The following RPS6KC1 variants were observed in gnomAD, a reference collection of about 807,000 sequenced individuals.
RPS6KC1 encodes the protein inactive ribosomal protein S6 kinase delta-1.
Under a neutral mutation model 103.8 loss-of-function variants are expected in RPS6KC1, and 54 were observed. The ratio of observed to expected loss-of-function variants is 0.52; its 90% confidence interval spans 0.42 to 0.65. RPS6KC1 has a LOEUF of 0.65. Ranked by LOEUF, RPS6KC1 falls within the 30% of genes least tolerant of loss-of-function variation. The pLI, the probability that RPS6KC1 is intolerant of heterozygous loss-of-function variation, is 0.00. For missense variants in RPS6KC1, 1,151 were observed against 1,253.8 expected (o/e 0.92, Z 1.24); for synonymous variants, 439 against 438.7 (o/e 1.00, Z -0.01).
chr1:213,535,802 T>C, the RPS6KC1 span, among the ~76,000 whole-genome samples: 1 of 152,162 alleles, frequency 6.6e-6, no homozygotes, highest in Non-Finnish European at 1.5e-5. Context: ...GGCTCTCTTT[T>C]AGGCGCGAGG....
chr1:213,418,538 G>A, the RPS6KC1 span, among the ~76,000 whole-genome samples: 3 of 152,188 alleles, frequency 2.0e-5, no homozygotes, highest in Admixed American at 6.5e-5. Flanking sequence ...TTGGAGCTTT[G>A]TTCATCAGTT....
Position 213,242,019 on chromosome 1 carries a change from A to G in RPS6KC1, c.2543A>G (p.Asp848Gly), listed in dbSNP as rs1338791314. The G allele has an allele frequency of 6.2e-7, 1 of 1,614,104 alleles. No individual in the cohort carries two copies. Among genetic ancestry groups the G allele is most frequent in the Non-Finnish European group, 8.5e-7 (1 of 1,179,960 alleles). The change falls in exon 11 of 15, where the codon GAT becomes GGT. Residue 848 changes from aspartate to glycine, a missense_variant. By Grantham distance (94) the Asp-to-Gly change is moderately conservative. Coordinates refer to ENST00000366960, the MANE Select transcript of RPS6KC1 (RefSeq NM_012424.6). ...ACAGAAGAAGTATTGCTGTTTACAG[A>G]TCAGACTGATGATTTGGCTAAAGAG... ...LKTEEVLLFT[D>G]QTDDLAKEEP... is the part of the protein sequence containing the mutation.
chr1:213,328,414 G>A, the RPS6KC1 span, among the ~76,000 whole-genome samples: 1 of 151,154 alleles, frequency 6.6e-6, no homozygotes, highest in Non-Finnish European at 1.5e-5. Context: ...GGGTAAGCGT[G>A]GGGCTGACTT....
the RPS6KC1 span, among the ~76,000 whole-genome samples, chr1:213,410,888 G>A: frequency 6.6e-6 from 1 of 152,106 alleles, no homozygotes; most frequent in Admixed American, 6.5e-5. Context: ...GCAGGGGATT[G>A]ACTTTTCAGA....
chr1:213,195,991 T>A (rs979199502), intron 8 of RPS6KC1, among the ~76,000 whole-genome samples: 2 of 152,190 alleles, frequency 1.3e-5, no homozygotes, highest in African/African-American at 4.8e-5. Context: ...TCTGGGTAGA[T>A]ACCCAGTACT....
the RPS6KC1 span, among the ~76,000 whole-genome samples, chr1:213,389,023 C>T: frequency 1.3e-5 from 2 of 151,964 alleles, no homozygotes; most frequent in Admixed American, 1.3e-4. Flanking sequence ...AGTGGGGTGA[C>T]AAGAAACTTG....
At chr1:213,319,035 G>A in the RPS6KC1 span, among the ~76,000 whole-genome samples, 1 of 152,212 alleles carries the variant, frequency 6.6e-6, no homozygotes, top group African/African-American at 2.4e-5. Context: ...GCTGGGTGCG[G>A]TGGCTCACGC....
At chr1:213,539,787 T>C in the RPS6KC1 span, among the ~76,000 whole-genome samples, 1 of 152,150 alleles carries the variant, frequency 6.6e-6, no homozygotes, top group East Asian at 1.9e-4. Flanking sequence ...TACAGGCATA[T>C]CTCAGAAATA....
the RPS6KC1 span, among the ~76,000 whole-genome samples, chr1:213,363,638 CTTTCTTTCTTTCTT>C: frequency 4.8e-5 from 2 of 41,994 alleles, no homozygotes; most frequent in Non-Finnish European, 8.8e-5. Context: ...TTCTTTCTTT[CTTTCTTTCTTTCTT>C]TCTTTCTTTC....
chr1:213,064,142 C>T (rs537585881), intron 1 of RPS6KC1, among the ~76,000 whole-genome samples: 10 of 151,928 alleles, frequency 6.6e-5, no homozygotes, highest in South Asian at 6.3e-4. Context: ...CTGCAACCTC[C>T]GCCTCTCTGG....
At chr1:213,381,171 G>A in the RPS6KC1 span, among the ~76,000 whole-genome samples, 1 of 152,214 alleles carries the variant, frequency 6.6e-6, no homozygotes, top group East Asian at 1.9e-4. Flanking sequence ...TAACTTTAAA[G>A]AGTGACGAGC....
chr1:213,111,701 T>G (rs571791016), intron 4 of RPS6KC1, among the ~76,000 whole-genome samples: 11 of 152,172 alleles, frequency 7.2e-5, no homozygotes, highest in Non-Finnish European at 1.3e-4. Context: ...ATGTCTTAGT[T>G]AGAAGACATT....
At chr1:213,807,944 A>T in the RPS6KC1 span, among the ~76,000 whole-genome samples, 15 of 152,206 alleles carry the variant, frequency 9.9e-5, no homozygotes, top group African/African-American at 3.4e-4. Flanking sequence ...TGATGTACAG[A>T]TGGCTTTTTA....
chr1:213,073,559 T>G (rs572983346), intron 2 of RPS6KC1, among the ~76,000 whole-genome samples: 1 of 152,328 alleles, frequency 6.6e-6, no homozygotes, highest in South Asian at 2.1e-4. Context: ...GATATTTCAC[T>G]GGTGAAATTT....
chr1:213,704,193 C>T, the RPS6KC1 span, among the ~76,000 whole-genome samples: 2 of 151,370 alleles, frequency 1.3e-5, no homozygotes, highest in African/African-American at 4.9e-5. Flanking sequence ...CGAGACCATC[C>T]TGGCTAACAC....
the RPS6KC1 span, among the ~76,000 whole-genome samples, chr1:213,400,071 G>A: frequency 6.6e-6 from 1 of 152,140 alleles, no homozygotes; most frequent in Admixed American, 6.5e-5. Flanking sequence ...GAAAAAAGAG[G>A]TGGGCGGGGC....
chr1:213,202,079 G>C (rs1414592195), intron 8 of RPS6KC1, among the ~76,000 whole-genome samples: 1 of 152,114 alleles, frequency 6.6e-6, no homozygotes, highest in South Asian at 2.1e-4. Context: ...AAAACCTGAA[G>C]CCAGAGAGCT....
chr1:213,154,652 G>C (rs2089664656), intron 6 of RPS6KC1, among the ~76,000 whole-genome samples: 1 of 152,194 alleles, frequency 6.6e-6, no homozygotes. Context: ...GAGGGTAGTG[G>C]GTTCCCCACT....
the RPS6KC1 span, chr1:213,822,352 C>T: frequency 6.6e-6 from 1 of 152,150 alleles, no homozygotes; most frequent in East Asian, 1.9e-4. Context: ...ATCTATTCCA[C>T]CTGCCTTTGT....
Sources: gnomAD v4.1 joint callset for allele counts (sites outside exome capture counted in the v4.1 genomes callset) on GRCh38, gnomAD v4.1.1 for gene constraint, MANE v1.5 for transcripts, NCBI Gene and HGNC (gene_info 2026-07-23, HGNC 2026-07-21) for gene names.